The following DGKG variants were observed in gnomAD, a reference collection of about 807,000 sequenced individuals.
DGKG encodes DAG kinase gamma.
A neutral mutation model predicts 105.3 loss-of-function variants in DGKG; 78 were observed. The observed-to-expected ratio is 0.74, with a 90% CI of 0.62 to 0.89. DGKG has a LOEUF of 0.89. Among genes scored for constraint, DGKG ranks in the 40% least tolerant of loss-of-function variants. DGKG has a pLI of 0.00. For missense variants in DGKG, 958 were observed against 1,020.1 expected (o/e 0.94, Z 0.83); for synonymous variants, 346 against 367.1 (o/e 0.94, Z 0.66).
At chr3:186,325,264 GCTGAAAAA>G (rs1300696872) in intron 1 of DGKG, among the ~76,000 whole-genome samples, 4 of 152,180 alleles carry the variant, frequency 2.6e-5, no homozygotes, top group African/African-American at 4.8e-5. Context: ...AGGGGCAAAG[GCTGAAAAA>G]CTGAAAAACT....
intron 1 of DGKG, among the ~76,000 whole-genome samples, chr3:186,354,537 G>A (rs1578874695): frequency 6.6e-6 from 1 of 152,320 alleles, no homozygotes; most frequent in South Asian, 2.1e-4. Flanking sequence ...TTTGTCAGCT[G>A]CTGTCTGGCC....
chr3:186,286,683 T>C (rs549457111), intron 6 of DGKG, among the ~76,000 whole-genome samples: 44 of 152,236 alleles, frequency 2.9e-4, no homozygotes, highest in Admixed American at 1.0e-3. Flanking sequence ...TATAAATTGA[T>C]ATGGTTTAAT....
At position 186,267,667 on chromosome 3, in the gene DGKG, C is replaced by A; in HGVS notation, c.1209+18G>T. On this transcript the variant is annotated intron_variant, in intron 13 of 24. Coordinates refer to ENST00000265022, the MANE Select transcript of DGKG (RefSeq NM_001346.3). ...AACCCGGAGAAGCTACAGCCCTCGC[C>A]GGGGCAGGAGCACTTACCCGGGTGA... 1 of 1,608,648 alleles carries A rather than the reference C, an allele frequency of 6.2e-7. No individual in the cohort carries two copies. Among genetic ancestry groups the A allele is most frequent in the South Asian group, 1.1e-5 (1 of 90,948 alleles).
intron 20 of DGKG, among the ~76,000 whole-genome samples, chr3:186,232,212 G>C (rs1310553881): frequency 6.6e-6 from 1 of 152,154 alleles, no homozygotes; most frequent in Non-Finnish European, 1.5e-5. Context: ...AATTGGAAAA[G>C]GCCAATAAAA....
chr3:186,276,149 A>G (rs1390632043), intron 9 of DGKG, among the ~76,000 whole-genome samples: 1 of 152,222 alleles, frequency 6.6e-6, no homozygotes, highest in African/African-American at 2.4e-5. Flanking sequence ...TATTTAAAAT[A>G]ATGAAAAGCT....
At chr3:186,245,435 G>C (rs1422100683) in intron 19 of DGKG, among the ~76,000 whole-genome samples, 1 of 152,164 alleles carries the variant, frequency 6.6e-6, no homozygotes, top group Non-Finnish European at 1.5e-5. Flanking sequence ...TTCTATGTCA[G>C]GCAATGACCT....
chr3:186,232,888 G>C (rs911234623), intron 20 of DGKG, among the ~76,000 whole-genome samples: 2 of 152,056 alleles, frequency 1.3e-5, no homozygotes, highest in African/African-American at 4.8e-5. Context: ...ATCTAACATG[G>C]TTATTATCTG....
chr3:186,310,265 C>CAAAAAAAAAAAAAAAAAAAA (rs1165723037), intron 2 of DGKG, among the ~76,000 whole-genome samples: 2 of 33,296 alleles, frequency 6.0e-5, no homozygotes, highest in African/African-American at 1.8e-4. Context: ...GACTCCGTCT[C>CAAAAAAAAAAAAAAAAAAAA]AAAAAAAAAA....
At chr3:186,277,187 T>C (rs1409399509) in intron 9 of DGKG, among the ~76,000 whole-genome samples, 3 of 152,270 alleles carry the variant, frequency 2.0e-5, no homozygotes, top group African/African-American at 7.2e-5. Context: ...TCAAGGGCTT[T>C]TTGTAAGAAT....
intron 1 of DGKG, among the ~76,000 whole-genome samples, chr3:186,349,159 CCTT>C (rs998523573): frequency 6.6e-6 from 1 of 151,978 alleles, no homozygotes; most frequent in Non-Finnish European, 1.5e-5. Flanking sequence ...ACAGCCTTGA[CCTT>C]CTGGGCTTAA....
chr3:186,257,835 C>T lies in DGKG; in HGVS notation c.1510+19G>A. On this transcript the variant is annotated intron_variant, in intron 17 of 24. Transcript: ENST00000265022. Reference sequence around the variant, plus strand: ...CTTACTATAAATAAGCAGCAAACGCCCTCTCAGCCCATGCTTACCAATGCA... The same window carrying T: ...CTTACTATAAATAAGCAGCAAACGCTCTCTCAGCCCATGCTTACCAATGCA... 2 of 1,596,092 alleles carry T rather than the reference C, an allele frequency of 1.3e-6. No homozygotes were observed. The highest frequency in any genetic ancestry group is 2.2e-5 in the East Asian group (1 of 44,786).
At chr3:186,270,044 T>C (rs892365141) in intron 11 of DGKG, among the ~76,000 whole-genome samples, 1 of 152,160 alleles carries the variant, frequency 6.6e-6, no homozygotes, top group Admixed American at 6.5e-5. Context: ...GTGGGGGACA[T>C]ACCCTGAAGT....
At chr3:186,291,893 A>G (rs1723327317) in intron 5 of DGKG, among the ~76,000 whole-genome samples, 1 of 152,148 alleles carries the variant, frequency 6.6e-6, no homozygotes, top group Admixed American at 6.5e-5. Context: ...TTTTTTGCCA[A>G]TTTACAACTC....
chr3:186,341,031 G>T (rs958668361), intron 1 of DGKG, among the ~76,000 whole-genome samples: 6 of 152,186 alleles, frequency 3.9e-5, no homozygotes, highest in Non-Finnish European at 7.3e-5. Context: ...TCCAGGTCAA[G>T]AACTAAACTA....
At chr3:186,296,122 A>AAAAAAAAG (rs1178541621) in intron 5 of DGKG, among the ~76,000 whole-genome samples, 6 of 151,762 alleles carry the variant, frequency 4.0e-5, no homozygotes, top group African/African-American at 1.5e-4. Context: ...CAAAAAAAAA[A>AAAAAAAAG]AAAAGAAAAG....
At chr3:186,230,682 G>C (rs1257816509) in intron 20 of DGKG, among the ~76,000 whole-genome samples, 2 of 152,204 alleles carry the variant, frequency 1.3e-5, no homozygotes, top group African/African-American at 4.8e-5. Flanking sequence ...AGGGCATCGA[G>C]ATGGGCCAGA....
chr3:186,267,853 G>T (rs1008727036), intron 12 of DGKG, 76 bp from the exon 13 acceptor site: 1 of 1,407,736 alleles, frequency 7.1e-7, no homozygotes, highest in Non-Finnish European at 1.0e-6. Context: ...AGAGGTTTGG[G>T]GGAGAGGTGA....
intron 24 of DGKG, chr3:186,158,463 GTTTA>G: frequency 1.0e-6 from 1 of 968,088 alleles, no homozygotes. Context: ...ACTAAATTTT[GTTTA>G]TTCACTTAAT....
chr3:186,229,524 C>T (rs1389558460), intron 20 of DGKG, among the ~76,000 whole-genome samples: 1 of 152,204 alleles, frequency 6.6e-6, no homozygotes, highest in African/African-American at 2.4e-5. Flanking sequence ...GGATTACAGG[C>T]ATGAGCCACT....
Sources: allele counts gnomAD v4.1 joint callset (sites outside exome capture counted in the v4.1 genomes callset), GRCh38; gene constraint gnomAD v4.1.1; transcripts MANE v1.5; gene names NCBI Gene and HGNC (gene_info 2026-07-23, HGNC 2026-07-21).